The following NFIB variants were observed in gnomAD, a reference collection of about 807,000 sequenced individuals.
NFIB encodes the protein nuclear factor I B.
A neutral mutation model predicts 61.5 loss-of-function variants in NFIB; 11 were observed. The ratio of observed to expected loss-of-function variants is 0.18; its 90% CI spans 0.11 to 0.30. NFIB has a LOEUF of 0.30. Ranked by LOEUF, NFIB falls within the 10% of genes least tolerant of loss-of-function variation. NFIB has a pLI of 1.00. For synonymous variants in NFIB, 260 were observed against 216.5 expected (o/e 1.20, Z -1.76); for missense variants, 471 against 608.9 (o/e 0.77, Z 2.38).
chr9:14,446,741 G>T, the NFIB span, among the ~76,000 whole-genome samples: 2 of 151,976 alleles, frequency 1.3e-5, no homozygotes, highest in African/African-American at 4.8e-5. Context: ...ATAAATGAAC[G>T]TATTATTATG....
chr9:14,084,351 G>C lies in NFIB; in HGVS notation c.*3958C>G. The C allele has an allele frequency of 4.6e-6, 1 of 219,428 alleles. No homozygotes were observed. Among genetic ancestry groups the C allele is most frequent in the Non-Finnish European group, 9.2e-6 (1 of 109,052 alleles). 13.6% of individuals were successfully genotyped at this position (219,428 alleles called of 1,614,324 possible). A position where few individuals can be genotyped will look rare whatever the true frequency, so the allele number is the denominator to read the frequency against. On this transcript the variant is annotated 3_prime_UTR_variant, in exon 11 of 11. Coordinates refer to ENST00000380953, the MANE Select transcript of NFIB (RefSeq NM_001190737.2). ...TGTACAAATTACTGTCTACAAGGTA[G>C]GCGGTTCATTAAGAAGACCTTTCGC...
At chr9:14,199,097 G>C (rs1413668318) in intron 2 of NFIB, among the ~76,000 whole-genome samples, 1 of 152,232 alleles carries the variant, frequency 6.6e-6, no homozygotes, top group East Asian at 1.9e-4. Context: ...AAGTGACCCA[G>C]GTTCCATTCT....
chr9:14,329,164 A>G (rs1431280514), intron 1 of NFIB, among the ~76,000 whole-genome samples: 2 of 152,182 alleles, frequency 1.3e-5, no homozygotes, highest in African/African-American at 2.4e-5. Flanking sequence ...TGCTCTTCTT[A>G]TAGATGAAAA....
chr9:14,313,216 G>A lies in NFIB; in HGVS notation c.30+266C>T, dbSNP rs536302369. Reference sequence around the variant, plus strand: ...ACGGGGCCTCGCACTTACAGGTCCCGGCCCTGCCCACCCCCCGGCGGCCTT... The same window carrying A: ...ACGGGGCCTCGCACTTACAGGTCCCAGCCCTGCCCACCCCCCGGCGGCCTT... On this transcript the variant is annotated intron_variant, in intron 1 of 10. Coordinates refer to ENST00000380953, the MANE Select transcript of NFIB (RefSeq NM_001190737.2). The surrounding 1 kb of genome is among the most constrained non-coding windows in gnomAD (Gnocchi z 4.5). Among the ~76,000 whole-genome samples the A allele has an allele frequency of 6.5e-4, 98 of 151,754 alleles. No homozygotes were observed. The highest frequency in any genetic ancestry group is 1.2e-3 in the Non-Finnish European group (80 of 67,908).
At chr9:14,234,786 C>G (rs1412148525) in intron 2 of NFIB, among the ~76,000 whole-genome samples, 2 of 140,954 alleles carry the variant, frequency 1.4e-5, no homozygotes, top group African/African-American at 5.4e-5. Flanking sequence ...GGCATTTGTT[C>G]GTTGAAATTT....
Position 14,307,349 on chromosome 9 carries a change from T to C in NFIB, c.202A>G (p.Ile68Val), listed in dbSNP as rs939680890. 6 of 1,614,046 alleles carry C rather than the reference T, an allele frequency of 3.7e-6. No individual in the cohort carries two copies. The Admixed American group carries it at 8.3e-5, about 22-fold the overall frequency. The stretch of plus-strand genomic sequence containing the variant: ...AGCCTGGATGCCCACTTCTGTTTGA[T>C]TTCAGGCTTTTCACTGAGAAGCTCA... Reference protein sequence around the residue: ...KDELLSEKPEIKQKWASRLLA... With the variant: ...KDELLSEKPEVKQKWASRLLA... Residue 68 changes from isoleucine (I) to valine (V), a missense_variant, in exon 2 of 11, where the codon ATC (isoleucine) becomes GTC (valine). Ile to Val is a conservative substitution (Grantham distance 29, BLOSUM62 3). Coordinates refer to ENST00000380953, the MANE Select transcript of NFIB (RefSeq NM_001190737.2). This position sits in a 1 kb window ranked among gnomAD's most constrained non-coding sequence, Gnocchi z 5.3.
chr9:14,247,191 G>A (rs2055032931), intron 2 of NFIB, among the ~76,000 whole-genome samples: 1 of 152,176 alleles, frequency 6.6e-6, no homozygotes, highest in Non-Finnish European at 1.5e-5. Flanking sequence ...AACCCAAGCT[G>A]ACTAGGACTT....
At chr9:14,123,194 T>C (rs761012775) in intron 7 of NFIB, among the ~76,000 whole-genome samples, 1 of 150,784 alleles carries the variant, frequency 6.6e-6, no homozygotes, top group African/African-American at 2.4e-5. Flanking sequence ...GAGGCAGAGG[T>C]TGCAGCGAGC....
At chr9:14,288,100 C>T (rs978309064) in intron 2 of NFIB, among the ~76,000 whole-genome samples, 6 of 151,846 alleles carry the variant, frequency 4.0e-5, no homozygotes, top group Admixed American at 3.3e-4. Context: ...TTTTTAATTG[C>T]CTATAGAATT....
intron 2 of NFIB, among the ~76,000 whole-genome samples, chr9:14,265,433 G>A (rs888072337): frequency 3.9e-5 from 6 of 152,132 alleles, no homozygotes; most frequent in East Asian, 1.9e-4. Context: ...AAGAGACACC[G>A]GAGAGCTTGC....
At chr9:14,100,037 C>T (rs2035489674) in intron 10 of NFIB, among the ~76,000 whole-genome samples, 1 of 152,086 alleles carries the variant, frequency 6.6e-6, no homozygotes, top group Non-Finnish European at 1.5e-5. Context: ...CGTGCCACTG[C>T]ACTCCAGCCT....
intron 1 of NFIB, among the ~76,000 whole-genome samples, chr9:14,359,429 G>C (rs534683716): frequency 6.6e-6 from 1 of 152,320 alleles, no homozygotes; most frequent in African/African-American, 2.4e-5. Flanking sequence ...CACAGGCCGA[G>C]ATTGCAGTGA....
the NFIB span, among the ~76,000 whole-genome samples, chr9:14,498,169 C>G: frequency 6.6e-6 from 1 of 152,222 alleles, no homozygotes; most frequent in Non-Finnish European, 1.5e-5. Context: ...AGCAGCAGGA[C>G]TAGGACTTAA....
At position 14,120,611 on chromosome 9, in the gene NFIB, T is replaced by G; in HGVS notation, c.1074A>C (p.Arg358=). Residue 358 remains arginine, a synonymous_variant, in exon 8 of 11, where the codon CGA becomes CGC. Transcript: ENST00000380953. The surrounding 1 kb of genome is among the most constrained non-coding windows in gnomAD (Gnocchi z 4.4). ...GCAACGGTGAAGGTGGAGGTGGAGT[T>G]CGAGTTGAGATGACTGCAGAAGACA... The part of the protein sequence containing the change: ...PGVAHSVIST[R]TPPPPSPLPF... The G allele has an allele frequency of 6.2e-7, 1 of 1,608,532 alleles. No individual in the cohort carries two copies. The highest frequency in any genetic ancestry group is 8.5e-7 in the Non-Finnish European group (1 of 1,177,542).
chr9:14,509,015 C>G, the NFIB span, among the ~76,000 whole-genome samples: 3 of 152,292 alleles, frequency 2.0e-5, no homozygotes, highest in South Asian at 6.2e-4. Context: ...GTACTGACCC[C>G]AGGAAATGGA....
At chr9:14,171,826 A>C (rs543666499) in intron 3 of NFIB, among the ~76,000 whole-genome samples, 1 of 152,336 alleles carries the variant, frequency 6.6e-6, no homozygotes, top group South Asian at 2.1e-4. Context: ...CATAGGTCTA[A>C]ATCATTAGGA....
chr9:14,511,747 T>G, the NFIB span, among the ~76,000 whole-genome samples: 1 of 152,244 alleles, frequency 6.6e-6, no homozygotes, highest in Non-Finnish European at 1.5e-5. Context: ...ATTCCACTAC[T>G]TGATCTGTCT....
At chr9:14,278,319 A>G (rs1374623415) in intron 2 of NFIB, among the ~76,000 whole-genome samples, 3 of 152,252 alleles carry the variant, frequency 2.0e-5, no homozygotes, top group Non-Finnish European at 4.4e-5. Flanking sequence ...CCAAATGTTG[A>G]CAGTGGTCCA....
chr9:14,245,174 T>A (rs575700641), intron 2 of NFIB, among the ~76,000 whole-genome samples: 35 of 152,108 alleles, frequency 2.3e-4, no homozygotes, highest in Non-Finnish European at 4.6e-4. Context: ...ACTGAACAAC[T>A]CACCTCCAAA....
Sources: gnomAD v4.1 joint callset for allele counts (sites outside exome capture counted in the v4.1 genomes callset) on GRCh38, gnomAD v4.1.1 for gene constraint, Gnocchi (gnomAD v3.1) non-coding constraint, MANE v1.5 for transcripts, NCBI Gene and HGNC (gene_info 2026-07-23, HGNC 2026-07-21) for gene names.